The following MIX23 variants were observed in gnomAD, a reference collection of about 807,000 sequenced individuals.
MIX23 encodes protein MIX23.
A neutral mutation model predicts 21.6 loss-of-function variants in MIX23; 13 were observed. The ratio of observed to expected loss-of-function variants is 0.60; its 90% confidence interval spans 0.39 to 0.96. The LOEUF (loss-of-function observed/expected upper bound fraction) is 0.96. MIX23 is among the 40% of genes least tolerant of loss of function. The pLI is 0.00. For synonymous variants in MIX23, 59 were observed against 58.0 expected, an observed-to-expected ratio of 1.02 and a Z score of -0.08; for missense variants, 144 against 171.2, an observed-to-expected ratio of 0.84 and a Z score of 0.89.
chr3:122,368,529 T>C (rs959200385), intron 2 of MIX23, among the ~76,000 whole-genome samples: 3 of 152,188 alleles, frequency 2.0e-5, no homozygotes, highest in Non-Finnish European at 4.4e-5. Context: ...GTGGAAGGTA[T>C]GAGGTCTGGG....
intron 1 of MIX23, among the ~76,000 whole-genome samples, chr3:122,373,226 A>C (rs2075456114): frequency 6.6e-6 from 1 of 151,998 alleles, no homozygotes; most frequent in Non-Finnish European, 1.5e-5. Context: ...ATCTGGCTTC[A>C]AGACATTATA....
Position 122,371,736 on chromosome 3 carries a change from G to A in MIX23, c.116C>T (p.Pro39Leu). 6.2e-7 allele frequency: 1 copy of A among 1,611,910 alleles called. No individual in the cohort carries two copies. Among genetic ancestry groups the A allele is most frequent in the Non-Finnish European group, 8.5e-7 (1 of 1,178,694 alleles). The part of the protein sequence containing the change: ...RIVHELNTTV[P>L]TASFAGKIDA... ...AATTTTCCCTGCAAAGGAAGCTGTT[G>A]GAACCGTAGTGTTTAATTCATGTAC... Residue 39 changes from proline (P) to leucine (L), a missense_variant, in exon 2 of 5, where the codon CCA becomes CTA. Pro to Leu is a moderately conservative substitution (Grantham distance 98). Coordinates refer to ENST00000291458, the MANE Select transcript of MIX23 (RefSeq NM_001017928.4).
rs2075343774 is a variant in MIX23, at chr3:122,359,829, T to TAAAA, written c.*39_*40insTTTT. ...TAGCTCTTATGAGATGACCCAGTCC[T>TAAAA]TAAAAAAAAAAAAAAAAAAAAAAAA... is the stretch of plus-strand genomic sequence containing the variant. On this transcript the variant is annotated 3_prime_UTR_variant, in exon 5 of 5. Transcript: ENST00000291458. The TAAAA allele has an allele frequency of 9.7e-7, 1 of 1,028,102 alleles. No homozygotes were observed. Among genetic ancestry groups the TAAAA allele is most frequent in the African/African-American group, 4.6e-5 (1 of 21,858 alleles). 63.7% of individuals were successfully genotyped at this position (1,028,102 alleles called of 1,614,324 possible). A position where few individuals can be genotyped will look rare whatever the true frequency, so the allele number is the denominator to read the frequency against.
chr3:122,371,823 A>G (rs2075444248), intron 1 of MIX23, 23 bp from the exon 2 acceptor site: 1 of 1,543,062 alleles, frequency 6.5e-7, no homozygotes, highest in Non-Finnish European at 8.8e-7. Flanking sequence ...AAAATAAAAG[A>G]ATATAACCCA....
At chr3:122,371,835 A>G in intron 1 of MIX23, 35 bp from the exon 2 acceptor site, 1 of 1,512,778 alleles carries the variant, frequency 6.6e-7, no homozygotes, top group Non-Finnish European at 9.0e-7. Flanking sequence ...TATAACCCAA[A>G]TGGAAAGTTA....
rs576404277 is a variant in MIX23, at chr3:122,378,439, G to A, written c.51+4735C>T. On this transcript the variant is annotated intron_variant, in intron 1 of 4. Coordinates refer to ENST00000291458, the MANE Select transcript of MIX23 (RefSeq NM_001017928.4). ...ATCAAATAGTCATGTAGTGCTTAAT[G>A]ACAAGGAAACATTCTGAGAAATGTG... Among the ~76,000 whole-genome samples the A allele has an allele frequency of 2.0e-5, 3 of 152,334 alleles. No individual in the cohort carries two copies. The East Asian group carries it at 5.8e-4, about 29-fold the overall frequency.
chr3:122,361,776 G>A (rs1265751647), intron 4 of MIX23, among the ~76,000 whole-genome samples: 1 of 152,070 alleles, frequency 6.6e-6, no homozygotes, highest in Non-Finnish European at 1.5e-5. Context: ...TCATGTTGGT[G>A]GAAAGGGCAG....
At chr3:122,380,601 C>T (rs879573699) in intron 1 of MIX23, among the ~76,000 whole-genome samples, 3 of 151,936 alleles carry the variant, frequency 2.0e-5, no homozygotes, top group Non-Finnish European at 4.4e-5. Flanking sequence ...ATGAAAGAGA[C>T]ACGTATGAGG....
intron 1 of MIX23, among the ~76,000 whole-genome samples, chr3:122,378,495 T>C (rs545511062): frequency 3.5e-4 from 53 of 152,336 alleles, no homozygotes; most frequent in Non-Finnish European, 7.1e-4. Context: ...GTGAACATCA[T>C]AGAGTGTACT....
At chr3:122,370,861 T>TAA (rs892748639) in intron 2 of MIX23, among the ~76,000 whole-genome samples, 1 of 152,218 alleles carries the variant, frequency 6.6e-6, no homozygotes, top group Non-Finnish European at 1.5e-5. Flanking sequence ...TAAAATAACA[T>TAA]ACTTTAACAC....
In MIX23 at chr3:122,375,157, C is replaced by G. The variant is rs533431152; in HGVS notation, c.52-3357G>C. Among the ~76,000 whole-genome samples the G allele has an allele frequency of 2.4e-4, 37 of 152,238 alleles. No individual in the cohort carries two copies. The South Asian group carries it at 7.5e-3, about 31-fold the overall frequency. The stretch of plus-strand genomic sequence containing the variant: ...TAAAACAAACAAACAAACAAAAAAA[C>G]TGGTAGCAGTAGAATTAAGGAGAGG... On this transcript the variant is annotated intron_variant, in intron 1 of 4. Coordinates refer to ENST00000291458, the MANE Select transcript of MIX23 (RefSeq NM_001017928.4).
chr3:122,372,388 A>G (rs995280038), intron 1 of MIX23, among the ~76,000 whole-genome samples: 1 of 152,170 alleles, frequency 6.6e-6, no homozygotes, highest in Non-Finnish European at 1.5e-5. Context: ...GACATCAGCT[A>G]CATCTCGTCT....
chr3:122,383,155 A>T lies in MIX23; in HGVS notation c.51+19T>A, dbSNP rs745637328. 1.1e-5 allele frequency: 17 copies of T among 1,614,000 alleles called. No individual in the cohort carries two copies. The highest frequency in any genetic ancestry group is 1.4e-5 in the Non-Finnish European group (17 of 1,179,964). ...ACAAAAGGAGGCACATGCCTGCCAC[A>T]TGAGGAAAACCCCATCACCTGGAAC... On this transcript the variant is annotated intron_variant, in intron 1 of 4. Transcript: ENST00000291458.
chr3:122,371,601 C>A (rs147815145), intron 2 of MIX23, 74 bp downstream of exon 2: 16 of 1,515,194 alleles, frequency 1.1e-5, no homozygotes, highest in Non-Finnish European at 1.5e-5. Context: ...AGTCGAGTTA[C>A]AAGATAACTG....
At chr3:122,374,102 ATT>A (rs367550434) in intron 1 of MIX23, among the ~76,000 whole-genome samples, 3 of 122,978 alleles carry the variant, frequency 2.4e-5, no homozygotes, top group Non-Finnish European at 3.4e-5. Flanking sequence ...TGACTGGCCT[ATT>A]TTTTTTTTTT....
chr3:122,377,889 A>G (rs2075500471), intron 1 of MIX23, among the ~76,000 whole-genome samples: 1 of 152,234 alleles, frequency 6.6e-6, no homozygotes, highest in South Asian at 2.1e-4. Flanking sequence ...AAACTTTTAA[A>G]CTTAGCAGGA....
At chr3:122,383,034 C>T in intron 1 of MIX23, 140 bp downstream of exon 1, 1 of 1,131,650 alleles carries the variant, frequency 8.8e-7, no homozygotes, top group Admixed American at 1.7e-5. Context: ...CCGCGCCCCC[C>T]ATGACCTCCA....
In MIX23 at chr3:122,362,931, C is replaced by T. The variant is rs751254058; in HGVS notation, c.384+37G>A. On this transcript the variant is annotated intron_variant, in intron 4 of 4. Coordinates refer to ENST00000291458, the MANE Select transcript of MIX23 (RefSeq NM_001017928.4). The stretch of plus-strand genomic sequence containing the variant: ...GTTTCCCTTTGCTAGTTCAGTTTCC[C>T]TCCTACTTCTTTCCAAACACCAACA... The T allele has an allele frequency of 5.7e-6, 9 of 1,578,464 alleles. No individual in the cohort carries two copies. In the South Asian group the frequency reaches 8.9e-5, roughly 16 times the overall value.
At chr3:122,374,123 A>ATTTT (rs1425545871) in intron 1 of MIX23, among the ~76,000 whole-genome samples, 124 of 148,828 alleles carry the variant, frequency 8.3e-4, no homozygotes, top group African/African-American at 3.0e-3. Flanking sequence ...TTTTTTTAAA[A>ATTTT]AAAAAGCCTC....
Sources: gnomAD v4.1 joint callset for allele counts (sites outside exome capture counted in the v4.1 genomes callset) on GRCh38, gnomAD v4.1.1 for gene constraint, MANE v1.5 for transcripts, NCBI Gene and HGNC (gene_info 2026-07-23, HGNC 2026-07-21) for gene names.